Variants in ADAP1 observed in about 807,000 individuals in gnomAD.
ADAP1 encodes arf-GAP with dual PH domain-containing protein 1.
A neutral mutation model predicts 54.9 loss-of-function variants in ADAP1; 31 were observed. That is an observed-to-expected ratio of 0.56 (90% CI 0.42 to 0.76). ADAP1 has a LOEUF of 0.76. Among genes scored for constraint, ADAP1 ranks in the 30% least tolerant of loss-of-function variants. The probability of loss-of-function intolerance (pLI) is 0.00; values close to 1 mark genes in which losing one functional copy is unlikely to be tolerated. For synonymous variants in ADAP1, 313 were observed against 202.6 expected (o/e 1.55, Z -4.63); for missense variants, 535 against 512.4 (o/e 1.04, Z -0.42).
intron 3 of ADAP1, among the ~76,000 whole-genome samples, chr7:924,126 AC>A (rs1156781932): frequency 3.9e-5 from 1 of 25,656 alleles, no homozygotes; most frequent in Admixed American, 4.6e-4. Flanking sequence ...TCCACGCTGC[AC>A]CCCCCGCCCT....
rs1845442121 is a variant in ADAP1 at position 906,730 on chromosome 7, TGGGGGACAGAGTACATAG to T, written c.389-1576_389-1559del. ...GGGACGGGACATCGGGGACGGGACATGGGGGACAGAGTACATAGGGGACATGGACAGGGGACATGGGGG... is the reference window on the plus strand; with the variant it reads ...GGGACGGGACATCGGGGACGGGACATGGGACATGGACAGGGGACATGGGGG... On this transcript the variant is annotated intron_variant, in intron 4 of 10. Transcript: ENST00000265846. 6.3e-4 allele frequency among the ~76,000 whole-genome samples: 42 copies of T among 66,948 alleles called. 1 individual carries two copies. Among genetic ancestry groups the T allele is most frequent in the African/African-American group, 4.7e-3 (42 of 8,852 alleles). The allele number at this position is 66,948 out of a possible 152,430, so 43.9% of individuals were successfully genotyped here.
At chr7:939,755 C>A (rs1296582072) in intron 1 of ADAP1, among the ~76,000 whole-genome samples, 1 of 151,186 alleles carries the variant, frequency 6.6e-6, no homozygotes, top group Non-Finnish European at 1.5e-5. Context: ...CACTGGAACC[C>A]GGGAGATGGA....
At chr7:905,382 A>AGGGAGAAAG (rs376118722) in intron 4 of ADAP1, 2 of 269,190 alleles carry the variant, frequency 7.4e-6, no homozygotes, top group Non-Finnish European at 1.2e-5. Flanking sequence ...GAAAGGAGAA[A>AGGGAGAAAG]GGAGAAAGGA....
At chr7:905,199 G>A (rs1410283131) in intron 4 of ADAP1, 27 bp from the exon 5 acceptor site, 2 of 1,584,772 alleles carry the variant, frequency 1.3e-6, no homozygotes, top group Non-Finnish European at 1.7e-6. Context: ...ACACGAGTCG[G>A]TGACAGTGGA....
chr7:911,146 G>C (rs1176729699), intron 4 of ADAP1, among the ~76,000 whole-genome samples: 3 of 152,200 alleles, frequency 2.0e-5, no homozygotes, highest in Non-Finnish European at 4.4e-5. Flanking sequence ...CGCCCTGCGT[G>C]GAGCTCTCTC....
At chr7:907,969 C>T (rs998877353) in intron 4 of ADAP1, among the ~76,000 whole-genome samples, 1 of 151,862 alleles carries the variant, frequency 6.6e-6, no homozygotes, top group African/African-American at 2.4e-5. Flanking sequence ...GCCCAGTGTC[C>T]GTGGGCCCTT....
chr7:940,574 C>A (rs185455627), intron 1 of ADAP1, among the ~76,000 whole-genome samples: 56 of 152,250 alleles, frequency 3.7e-4, no homozygotes, highest in Admixed American at 8.5e-4. Context: ...GGATACAGAG[C>A]AAGTGGAACT....
Position 909,446 on chromosome 7 carries a change from C to G in ADAP1, c.389-4274G>C. Among the ~76,000 whole-genome samples, 2 of 152,126 alleles carry G rather than the reference C, an allele frequency of 1.3e-5. 1 individual carries two copies. Among genetic ancestry groups the G allele is most frequent in the Non-Finnish European group, 2.9e-5 (2 of 68,030 alleles). On this transcript the variant is annotated intron_variant, in intron 4 of 10. Transcript: ENST00000265846. ...GAACCCCGGTCCTCCCGACAGCAGG[C>G]GCCAGGACGCCGCATTCCAGGGGCA...
In ADAP1 at chr7:935,414, C is replaced by G; in HGVS notation, c.174G>C (p.Lys58Asn). The G allele has an allele frequency of 6.4e-7, 1 of 1,560,948 alleles. No individual in the cohort carries two copies. Residue 58 changes from lysine to asparagine, a missense_variant, in exon 2 of 11, where the codon AAG becomes AAC. Transcript: ENST00000265846. ...CCTCCCAGGCGTCCAGGCGGACGGA[C>G]TTCACCTTGCTGACCTGGGGGATAT... ...HRNIPQVSKVKSVRLDAWEEA... is the reference protein window; with the variant it reads ...HRNIPQVSKVNSVRLDAWEEA...
In ADAP1 at chr7:938,785, G is replaced by A. The variant is rs923142099; in HGVS notation, c.83-3280C>T. ...GCAGTGGGGGGCCCTCCTTCTCACC[G>A]CATGGCAATGCTGTTGGTTCTGCTC... On this transcript the variant is annotated intron_variant, in intron 1 of 10. Transcript: ENST00000265846. The surrounding 1 kb of genome is among the most constrained non-coding windows in gnomAD (Gnocchi z 4.4). 2.6e-5 allele frequency among the ~76,000 whole-genome samples: 4 copies of A among 152,170 alleles called. No homozygotes were observed. Among genetic ancestry groups the A allele is most frequent in the Non-Finnish European group, 4.4e-5 (3 of 68,028 alleles).
At chr7:905,839 G>T (rs1845236645) in intron 4 of ADAP1, among the ~76,000 whole-genome samples, 1 of 51,360 alleles carries the variant, frequency 1.9e-5, no homozygotes, top group African/African-American at 5.7e-5. Flanking sequence ...AAGGGAGAAG[G>T]GAGAAGGGAG....
In ADAP1 at chr7:945,873, T is replaced by C; in HGVS notation, c.82+8523A>G. On this transcript the variant is annotated intron_variant, in intron 1 of 10. Transcript: ENST00000265846. This position sits in a 1 kb window ranked among gnomAD's most constrained non-coding sequence, Gnocchi z 4.2. The stretch of plus-strand genomic sequence containing the variant: ...GGCGGAGCCAGGTGGGGCAGGCGTG[T>C]CCCCCAAGCCAAGGCCCAGGCTGGG... 2.0e-6 allele frequency: 2 copies of C among 976,932 alleles called. No homozygotes were observed. The highest frequency in any genetic ancestry group is 2.4e-6 in the Non-Finnish European group (2 of 822,258). The allele number at this position is 976,932 out of a possible 1,614,324, so 60.5% of individuals were successfully genotyped here. A position where few individuals can be genotyped will look rare whatever the true frequency, so the allele number is the denominator to read the frequency against.
chr7:905,291 ACACGGACAGGGGGAGACGGACG>A (rs1845069832), intron 4 of ADAP1, 119 bp from the exon 5 acceptor site: 2 of 311,328 alleles, frequency 6.4e-6, no homozygotes, highest in Non-Finnish European at 1.1e-5. Flanking sequence ...CGGACGGGGG[ACACGGACAGGGGGAGACGGACG>A]GGGAGAGGGG....
chr7:920,683 G>T lies in ADAP1; in HGVS notation c.306-633C>A. The stretch of plus-strand genomic sequence containing the variant: ...AGACCCGGGATGAGGAGAAGCCCCC[G>T]AGAGTAAAGCCCGGGACGAGGGCCC... On this transcript the variant is annotated intron_variant, in intron 3 of 10. Coordinates refer to ENST00000265846, the MANE Select transcript of ADAP1 (RefSeq NM_006869.4). This position sits in a 1 kb window ranked among gnomAD's most constrained non-coding sequence, Gnocchi z 4.5. The T allele has an allele frequency of 2.0e-6, 2 of 983,622 alleles. No homozygotes were observed. The highest frequency in any genetic ancestry group is 2.9e-6 in the Non-Finnish European group (2 of 678,576). The allele number at this position is 983,622 out of a possible 1,614,324, so 60.9% of individuals were successfully genotyped here. A position where few individuals can be genotyped will look rare whatever the true frequency, so the allele number is the denominator to read the frequency against.
Position 920,883 on chromosome 7 carries a change from G to C in ADAP1, c.306-833C>G. ...CGCCCCAGCCTTTTCCACTCCCAGG[G>C]AATTACGCGGCAAAGAACAAATAGG... On this transcript the variant is annotated intron_variant, in intron 3 of 10. Transcript: ENST00000265846. This position sits in a 1 kb window ranked among gnomAD's most constrained non-coding sequence, Gnocchi z 4.5. 6.5e-7 allele frequency: 1 copy of C among 1,549,898 alleles called. No homozygotes were observed. The highest frequency in any genetic ancestry group is 1.4e-5 in the African/African-American group (1 of 73,144).
intron 1 of ADAP1, among the ~76,000 whole-genome samples, chr7:951,890 C>T (rs545647854): frequency 1.6e-4 from 25 of 152,336 alleles, no homozygotes; most frequent in African/African-American, 5.3e-4. Flanking sequence ...CAGCTTCCAA[C>T]TCCTGGCCTC....
chr7:913,368 T>C (rs1845802532), intron 4 of ADAP1, among the ~76,000 whole-genome samples: 1 of 149,788 alleles, frequency 6.7e-6, no homozygotes, highest in African/African-American at 2.5e-5. Flanking sequence ...ACCCAGCTAA[T>C]TTTTTTGTAT....
At chr7:899,670 C>G (rs1054138748) in intron 8 of ADAP1, among the ~76,000 whole-genome samples, 180 bp from the exon 9 acceptor site, 1 of 152,214 alleles carries the variant, frequency 6.6e-6, no homozygotes, top group African/African-American at 2.4e-5. Context: ...CTCCAGCCTC[C>G]ACACGGCACC....
At chr7:903,569 C>T (rs1253386174) in intron 6 of ADAP1, among the ~76,000 whole-genome samples, 1 of 152,162 alleles carries the variant, frequency 6.6e-6, no homozygotes, top group Admixed American at 6.5e-5. Flanking sequence ...CGCTGCGCCC[C>T]CTGCAGCCTG....
Sources: gnomAD v4.1 joint callset for allele counts (sites outside exome capture counted in the v4.1 genomes callset) on GRCh38, gnomAD v4.1.1 for gene constraint, Gnocchi (gnomAD v3.1) non-coding constraint, MANE v1.5 for transcripts, NCBI Gene and HGNC (gene_info 2026-07-23, HGNC 2026-07-21) for gene names.